Variants in TOPBP1 observed in about 807,000 individuals in gnomAD.
The protein encoded by TOPBP1 is DNA topoisomerase 2-binding protein 1.
TOPBP1 carries 28 observed loss-of-function variants against 167.7 expected under a neutral mutation model. The ratio of observed to expected loss-of-function variants is 0.17; its 90% CI spans 0.12 to 0.23. The LOEUF is 0.23. Ranked by LOEUF, TOPBP1 falls within the 10% of genes least tolerant of loss-of-function variation. The pLI is 1.00. For synonymous variants in TOPBP1, 598 were observed against 611.4 expected (o/e 0.98, Z 0.32); for missense variants, 1,554 against 1,809.6 (o/e 0.86, Z 2.56).
chr3:133,649,688 C>T (rs1936217154), intron 9 of TOPBP1, 55 bp from the exon 10 acceptor site: 7 of 1,597,414 alleles, frequency 4.4e-6, no homozygotes, highest in African/African-American at 1.3e-5. Context: ...ACCATCATCC[C>T]ACTTGTCATG....
At chr3:133,649,988 A>T in intron 8 of TOPBP1, 45 bp from the exon 9 acceptor site, 1 of 1,436,826 alleles carries the variant, frequency 7.0e-7, no homozygotes, top group Non-Finnish European at 9.2e-7. Flanking sequence ...GCTTTCTCTC[A>T]ATAGAAAAAA....
chr3:133,651,748 G>A (rs1936313565), intron 8 of TOPBP1, among the ~76,000 whole-genome samples: 1 of 152,022 alleles, frequency 6.6e-6, no homozygotes, highest in Admixed American at 6.6e-5. Context: ...GTAGATAACT[G>A]GCCACTTAAT....
intron 14 of TOPBP1, among the ~76,000 whole-genome samples, chr3:133,629,678 TTTC>T (rs1231262281): frequency 6.6e-6 from 1 of 152,222 alleles, no homozygotes; most frequent in African/African-American, 2.4e-5. Context: ...TAATCAGATT[TTTC>T]TTTTTTGACA....
intron 24 of TOPBP1, among the ~76,000 whole-genome samples, chr3:133,611,983 C>G: frequency 6.6e-6 from 1 of 151,950 alleles, no homozygotes; most frequent in Non-Finnish European, 1.5e-5. Context: ...AGCCATCCTC[C>G]TGCCTTGGCC....
intron 27 of TOPBP1, 83 bp from the exon 28 acceptor site, chr3:133,601,476 A>C: frequency 9.2e-7 from 1 of 1,091,098 alleles, no homozygotes; most frequent in Non-Finnish European, 1.3e-6. Context: ...TTTAAATCTC[A>C]GACCTCTCAG....
intron 27 of TOPBP1, among the ~76,000 whole-genome samples, chr3:133,605,355 A>G (rs1934454342): frequency 6.7e-6 from 1 of 148,952 alleles, no homozygotes; most frequent in Non-Finnish European, 1.5e-5. Context: ...ATTACAAAAC[A>G]ATGAGAATTA....
chr3:133,649,238 A>C (rs1220354554), intron 10 of TOPBP1, 145 bp downstream of exon 10: 5 of 1,136,352 alleles, frequency 4.4e-6, no homozygotes, highest in Non-Finnish European at 4.8e-6. Flanking sequence ...GCCTGCTCAG[A>C]AAAAAAGTTA....
Position 133,616,886 on chromosome 3 carries a change from GT to G in TOPBP1, c.3798del (p.Lys1266AsnfsTer10). 1.9e-6 allele frequency: 3 copies of G among 1,548,596 alleles called. No homozygotes were observed. The highest frequency in any genetic ancestry group is 2.5e-5 in the South Asian group (2 of 81,120). ...AGAGATGATAACTGAAATATGTACT[GT>G]TTTTTTAATTCTTCATGAGTCTCCT... ...TIEETHEELK[K>X]QYIFQLSSLN... On this transcript the variant is annotated frameshift_variant, in exon 23 of 28. Coordinates refer to ENST00000260810, the MANE Select transcript of TOPBP1 (RefSeq NM_007027.4). LOFTEE classifies it high-confidence loss of function.
In TOPBP1 at chr3:133,600,941, C is replaced by G. The variant is rs1030318695; in HGVS notation, c.*309G>C. On this transcript the variant is annotated 3_prime_UTR_variant, in exon 28 of 28. Coordinates refer to ENST00000260810, the MANE Select transcript of TOPBP1 (RefSeq NM_007027.4). Reference sequence around the variant, plus strand: ...ATCCATTACCTTGCTAAAATTTCCACTAAGCTACAGCTTCAGATATTTACA... The same window carrying G: ...ATCCATTACCTTGCTAAAATTTCCAGTAAGCTACAGCTTCAGATATTTACA... 3.0e-5 allele frequency: 5 copies of G among 168,400 alleles called. No individual in the cohort carries two copies. The highest frequency in any genetic ancestry group is 9.6e-5 in the African/African-American group (4 of 41,858). The allele number at this position is 168,400 out of a possible 1,614,324, so 10.4% of individuals were successfully genotyped here. A position where few individuals can be genotyped will look rare whatever the true frequency, so the allele number is the denominator to read the frequency against.
intron 10 of TOPBP1, among the ~76,000 whole-genome samples, chr3:133,646,108 C>G (rs893839314): frequency 3.3e-5 from 5 of 151,870 alleles, no homozygotes; most frequent in African/African-American, 1.2e-4. Flanking sequence ...GACCACGCCA[C>G]TGCACTCCAG....
chr3:133,620,038 GA>G (rs1172413395), intron 20 of TOPBP1, 116 bp downstream of exon 20: 7 of 1,135,222 alleles, frequency 6.2e-6, no homozygotes, highest in Admixed American at 3.0e-5. Flanking sequence ...GCATATTGGG[GA>G]AAAAAAGAAA....
At chr3:133,608,505 TGAG>T (rs754671926) in intron 27 of TOPBP1, 27 bp downstream of exon 27, 30 of 1,609,372 alleles carry the variant, frequency 1.9e-5, no homozygotes, top group Non-Finnish European at 2.4e-5. Flanking sequence ...TCTCTGGTAA[TGAG>T]GAGGTCAAGG....
At chr3:133,633,656 G>A (rs1935567376) in intron 14 of TOPBP1, among the ~76,000 whole-genome samples, 1 of 152,158 alleles carries the variant, frequency 6.6e-6, no homozygotes, top group South Asian at 2.1e-4. Flanking sequence ...GCCAGGTGTG[G>A]TGACATGCAC....
intron 27 of TOPBP1, among the ~76,000 whole-genome samples, chr3:133,606,582 C>T (rs924291378): frequency 1.8e-4 from 26 of 141,376 alleles, no homozygotes; most frequent in African/African-American, 6.9e-4. Context: ...AGCTAAATAA[C>T]CTTGAAAAAG....
intron 27 of TOPBP1, among the ~76,000 whole-genome samples, chr3:133,608,195 A>G (rs2107769530): frequency 6.6e-6 from 1 of 152,318 alleles, no homozygotes; most frequent in South Asian, 2.1e-4. Context: ...CAAACAGTCA[A>G]GAAAACTAAA....
At chr3:133,616,122 CTT>C (rs200080685) in intron 23 of TOPBP1, among the ~76,000 whole-genome samples, 20 of 141,186 alleles carry the variant, frequency 1.4e-4, no homozygotes, top group Admixed American at 1.4e-4. Flanking sequence ...TTTCTTTTCC[CTT>C]TTTTTTTTTT....
rs755483368 is a variant in TOPBP1, at chr3:133,637,900, G to C, written c.2496C>G (p.Leu832=). 6.0e-5 allele frequency: 97 copies of C among 1,613,944 alleles called. No homozygotes were observed. In the Middle Eastern group the frequency reaches 1.7e-3, roughly 27 times the overall value. ...TPSKFLSKDK[L]FKPSFDVKDA... is the part of the protein sequence containing the mutation. ...CCTTCACATCAAAGGAAGGCTTGAA[G>C]AGTTTGTCCTTGGACAGGAATTTTG... Residue 832 remains leucine, a synonymous_variant, in exon 14 of 28, where the codon CTC becomes CTG. Coordinates refer to ENST00000260810, the MANE Select transcript of TOPBP1 (RefSeq NM_007027.4).
At chr3:133,617,399 A>C in intron 21 of TOPBP1, 73 bp from the exon 22 acceptor site, 143 of 1,424,728 alleles carry the variant, frequency 1.0e-4, no homozygotes, top group Middle Eastern at 2.4e-4. Context: ...AAATATTCTC[A>C]TCTGTCTTAG....
chr3:133,612,616 T>C, intron 23 of TOPBP1, 64 bp from the exon 24 acceptor site: 2 of 1,435,922 alleles, frequency 1.4e-6, no homozygotes, highest in East Asian at 2.5e-5. Flanking sequence ...AAAAATGTAA[T>C]CTCAACTACG....
Sources: gnomAD v4.1 joint callset for allele counts (sites outside exome capture counted in the v4.1 genomes callset) on GRCh38, gnomAD v4.1.1 for gene constraint, MANE v1.5 for transcripts, NCBI Gene and HGNC (gene_info 2026-07-23, HGNC 2026-07-21) for gene names.